The following CMTR1 variants were observed in gnomAD, a reference collection of about 807,000 sequenced individuals.
The protein encoded by CMTR1 is cap-specific mRNA (nucleoside-2'-O-)-methyltransferase 1.
In CMTR1, 39 loss-of-function variants were observed where a neutral mutation model predicts 107.0. The ratio of observed to expected loss-of-function variants is 0.36; its 90% CI spans 0.28 to 0.48. CMTR1 has a LOEUF of 0.48. Among genes scored for constraint, CMTR1 ranks in the 20% least tolerant of loss-of-function variants. CMTR1 has a pLI of 0.99. For synonymous variants in CMTR1, 366 were observed against 379.5 expected (o/e 0.96, Z 0.41); for missense variants, 672 against 1,064.9 (o/e 0.63, Z 5.14).
intron 13 of CMTR1, among the ~76,000 whole-genome samples, chr6:37,464,682 A>C (rs1271128936): frequency 6.6e-6 from 1 of 152,004 alleles, no homozygotes; most frequent in Non-Finnish European, 1.5e-5. Flanking sequence ...CTAGTATTCC[A>C]TTCCATTGTA....
intron 13 of CMTR1, among the ~76,000 whole-genome samples, chr6:37,466,511 G>A (rs1181639929): frequency 6.6e-6 from 1 of 152,030 alleles, no homozygotes; most frequent in Non-Finnish European, 1.5e-5. Context: ...ATTAGGTAAG[G>A]GTCCTTCTGC....
At chr6:37,447,804 G>A (rs1771829822) in intron 4 of CMTR1, among the ~76,000 whole-genome samples, 1 of 151,666 alleles carries the variant, frequency 6.6e-6, no homozygotes, top group Non-Finnish European at 1.5e-5. Context: ...AGGTTGCAGT[G>A]AGCAGAGATC....
chr6:37,470,285 T>C (rs1280882969), intron 13 of CMTR1, among the ~76,000 whole-genome samples: 1 of 152,118 alleles, frequency 6.6e-6, no homozygotes, highest in Non-Finnish European at 1.5e-5. Context: ...TAGCTGGGAC[T>C]ACAGGCGCCC....
chr6:37,436,617 G>A (rs1378066307), intron 2 of CMTR1, among the ~76,000 whole-genome samples: 3 of 152,080 alleles, frequency 2.0e-5, no homozygotes, highest in African/African-American at 7.2e-5. Context: ...GTGTTCCTTG[G>A]CTTGTGGTAG....
intron 5 of CMTR1, among the ~76,000 whole-genome samples, chr6:37,451,257 T>G: frequency 6.6e-6 from 1 of 152,180 alleles, no homozygotes; most frequent in East Asian, 1.9e-4. Flanking sequence ...CTCAATAATT[T>G]TTATGAGTGT....
chr6:37,459,889 A>C (rs1163338001), intron 10 of CMTR1, among the ~76,000 whole-genome samples: 3 of 152,166 alleles, frequency 2.0e-5, no homozygotes, highest in Non-Finnish European at 4.4e-5. Flanking sequence ...CTTTGCCTGG[A>C]GCAGGGTGAT....
chr6:37,431,609 C>A (rs1253442690), upstream of CMTR1, among the ~76,000 whole-genome samples: 2 of 152,096 alleles, frequency 1.3e-5, no homozygotes, highest in Non-Finnish European at 2.9e-5. Flanking sequence ...TATACAACAC[C>A]GTGGTAAGTG....
At chr6:37,438,363 G>C (rs942541390) in intron 2 of CMTR1, among the ~76,000 whole-genome samples, 13 of 151,752 alleles carry the variant, frequency 8.6e-5, no homozygotes, top group African/African-American at 2.7e-4. Context: ...CTGGGCATCA[G>C]AACAAGACCC....
At chr6:37,465,887 C>G (rs973235173) in intron 13 of CMTR1, among the ~76,000 whole-genome samples, 1 of 151,380 alleles carries the variant, frequency 6.6e-6, no homozygotes, top group Non-Finnish European at 1.5e-5. Flanking sequence ...ATATTAATCA[C>G]TTGTCAGATA....
chr6:37,470,924 A>G, intron 13 of CMTR1, 97 bp from the exon 14 acceptor site: 1 of 947,062 alleles, frequency 1.1e-6, no homozygotes. Flanking sequence ...TTCACCAAAT[A>G]TAGATGGCCA....
intron 2 of CMTR1, among the ~76,000 whole-genome samples, chr6:37,442,203 T>C (rs1581729333): frequency 6.6e-6 from 1 of 152,214 alleles, no homozygotes; most frequent in South Asian, 2.1e-4. Flanking sequence ...ACCAGTATAG[T>C]AGTCTGATCT....
At chr6:37,459,793 C>T in intron 10 of CMTR1, 109 bp downstream of exon 10, 1 of 799,932 alleles carries the variant, frequency 1.3e-6, no homozygotes, top group Non-Finnish European at 2.2e-6. Flanking sequence ...GATGGTATTT[C>T]ACAGTTCAGA....
chr6:37,478,471 A>ATGACC lies in CMTR1; in HGVS notation c.2217_2221dup (p.Arg741LeufsTer16), dbSNP rs1427087505. On this transcript the variant is annotated frameshift_variant, in exon 22 of 24. Transcript: ENST00000373451. LOFTEE classifies it high-confidence loss of function. ...CCAAAGCTCAGCTACACAGGGCGTG[A>ATGACC]TGACCGGCACTTTGTACCCATGGGC... 1 of 1,614,084 alleles carries ATGACC rather than the reference A, an allele frequency of 6.2e-7. No homozygotes were observed. Among genetic ancestry groups the ATGACC allele is most frequent in the Admixed American group, 1.7e-5 (1 of 60,020 alleles).
At chr6:37,439,974 G>A (rs1334220635) in intron 2 of CMTR1, among the ~76,000 whole-genome samples, 2 of 152,324 alleles carry the variant, frequency 1.3e-5, no homozygotes, top group South Asian at 2.1e-4. Context: ...ATCTTGGCAT[G>A]TTTGTCCCAT....
intron 2 of CMTR1, among the ~76,000 whole-genome samples, chr6:37,440,506 A>G (rs1288811923): frequency 1.3e-5 from 2 of 152,244 alleles, no homozygotes; most frequent in African/African-American, 4.8e-5. Context: ...AATAAAAGAA[A>G]AAAATAAGAC....
chr6:37,439,321 TTC>T (rs1438637248), intron 2 of CMTR1, among the ~76,000 whole-genome samples: 2 of 152,228 alleles, frequency 1.3e-5, no homozygotes, highest in East Asian at 1.9e-4. Flanking sequence ...GGTCATTTTG[TTC>T]TCTTTGGTTG....
chr6:37,473,751 G>A (rs370234327), intron 17 of CMTR1, 150 bp downstream of exon 17: 81 of 937,966 alleles, frequency 8.6e-5, no homozygotes, highest in African/African-American at 6.0e-4. Flanking sequence ...TTGAAACTTC[G>A]TTTCCTTTCT....
chr6:37,466,500 T>C (rs1761515786), intron 13 of CMTR1, among the ~76,000 whole-genome samples: 1 of 152,118 alleles, frequency 6.6e-6, no homozygotes, highest in African/African-American at 2.4e-5. Flanking sequence ...TTGTATAGAG[T>C]ATTAGGTAAG....
chr6:37,427,503 A>G, the CMTR1 span, among the ~76,000 whole-genome samples: 7 of 152,054 alleles, frequency 4.6e-5, no homozygotes, highest in South Asian at 4.1e-4. The surrounding 1 kb of genome is among the most constrained non-coding windows in gnomAD (Gnocchi z 4.4). Flanking sequence ...AGATCCCTTC[A>G]CCCTTCCCCA....
Sources: gnomAD v4.1 joint callset for allele counts (sites outside exome capture counted in the v4.1 genomes callset) on GRCh38, gnomAD v4.1.1 for gene constraint, Gnocchi (gnomAD v3.1) non-coding constraint, MANE v1.5 for transcripts, NCBI Gene and HGNC (gene_info 2026-07-23, HGNC 2026-07-21) for gene names.